INF2: variants seen among roughly 807,000 people sequenced by gnomAD.
INF2 encodes the protein inverted formin-2.
Under a neutral mutation model 123.5 loss-of-function variants are expected in INF2, and 43 were observed. The observed-to-expected ratio is 0.35, with a 90% CI of 0.27 to 0.45. The LOEUF is 0.45. INF2 is among the 20% of genes least tolerant of loss of function. The pLI is 1.00. For missense variants in INF2, 1,453 were observed against 1,682.7 expected (o/e 0.86, Z 2.39); for synonymous variants, 851 against 745.0 (o/e 1.14, Z -2.32).
At chr14:104,712,631 T>C in intron 17 of INF2, 78 bp downstream of exon 17, 9 of 1,600,472 alleles carry the variant, frequency 5.6e-6, no homozygotes, top group Non-Finnish European at 7.7e-6. Context: ...CTGTGCTGTC[T>C]CCTGGCTCCA....
chr14:104,683,226 C>T (rs1236726171), intron 1 of INF2, among the ~76,000 whole-genome samples: 1 of 152,056 alleles, frequency 6.6e-6, no homozygotes, highest in Non-Finnish European at 1.5e-5. Flanking sequence ...CCTGGGGAGG[C>T]AGCACAGACT....
At chr14:104,695,583 C>T (rs1047127448) in intron 1 of INF2, among the ~76,000 whole-genome samples, 43 of 146,348 alleles carry the variant, frequency 2.9e-4, no homozygotes, top group Non-Finnish European at 4.4e-5. Context: ...CTTGCCGACT[C>T]TCCTCCCAGT....
intron 10 of INF2, among the ~76,000 whole-genome samples, chr14:104,708,961 G>A (rs1889912397): frequency 6.6e-6 from 1 of 152,190 alleles, no homozygotes; most frequent in South Asian, 2.1e-4. Context: ...CAGACAAGTA[G>A]TGGCTAAACC....
In INF2 at chr14:104,707,817, C is replaced by T; in HGVS notation, c.1550C>T (p.Pro517Leu). The change falls in exon 8 of 23, where the codon CCC (proline) becomes CTC (leucine). Residue 517 changes from proline (P) to leucine (L), a missense_variant. Physicochemically the swap from Pro to Leu is moderately conservative, Grantham distance 98. Transcript: ENST00000392634. ...LPGMGWGPPPPPPPLLPCTCS... is the reference protein window; with the variant it reads ...LPGMGWGPPPLPPPLLPCTCS... ...GGTATGGGCTGGGGCCCTCCTCCAC[C>T]CCCACCTCCACTACTGCCCTGCACC... 1 of 1,570,254 alleles carries T rather than the reference C, an allele frequency of 6.4e-7. No homozygotes were observed. Among genetic ancestry groups the T allele is most frequent in the Non-Finnish European group, 8.6e-7 (1 of 1,156,552 alleles).
chr14:104,683,678 AG>A (rs1422859300), intron 1 of INF2, among the ~76,000 whole-genome samples: 1 of 149,434 alleles, frequency 6.7e-6, no homozygotes, highest in African/African-American at 2.5e-5. Context: ...AGACCTACAA[AG>A]TCTTGGCACT....
chr14:104,699,417 T>TA lies in INF2; in HGVS notation c.-9-1940_-9-1939insA. On this transcript the variant is annotated intron_variant, in intron 1 of 22. Coordinates refer to ENST00000392634, the MANE Select transcript of INF2 (RefSeq NM_022489.4). This position sits in a 1 kb window ranked among gnomAD's most constrained non-coding sequence, Gnocchi z 4.7. Reference sequence around the variant, plus strand: ...CCGGCTGCCTGGCTCTTCATGGTGGTGGGAGCAACCCTACTGCCACCAGGA... The same window carrying TA: ...CCGGCTGCCTGGCTCTTCATGGTGGTAGGGAGCAACCCTACTGCCACCAGGA... The TA allele has an allele frequency of 2.0e-6, 2 of 985,166 alleles. No homozygotes were observed. Among genetic ancestry groups the TA allele is most frequent in the African/African-American group, 1.7e-5 (1 of 57,260 alleles). The allele number at this position is 985,166 out of a possible 1,614,324, so 61.0% of individuals were successfully genotyped here.
intron 1 of INF2, among the ~76,000 whole-genome samples, chr14:104,695,202 T>C (rs540921711): frequency 6.6e-6 from 1 of 152,092 alleles, no homozygotes; most frequent in African/African-American, 2.4e-5. Flanking sequence ...GATCAGGCCC[T>C]GTGCCCTTCC....
intron 5 of INF2, among the ~76,000 whole-genome samples, chr14:104,705,278 G>A (rs1435359937): frequency 6.6e-6 from 1 of 152,212 alleles, no homozygotes; most frequent in Admixed American, 6.5e-5. Flanking sequence ...TTAGCTGGCC[G>A]TGGTGGCATG....
In INF2 at chr14:104,707,112, C is replaced by CA. The variant is rs1465681981; in HGVS notation, c.985+62dup. 1.3e-5 allele frequency: 20 copies of CA among 1,526,520 alleles called. No homozygotes were observed. In the African/African-American group the frequency reaches 1.5e-4, roughly 11 times the overall value. The allele number at this position is 1,526,520 out of a possible 1,614,324, so 94.6% of individuals were successfully genotyped here. ...GTGGGCAGACACTGAGGTCTTAGAC[C>CA]ATGGGGGGGGGAGCCTGCCCTTGGC... On this transcript the variant is annotated intron_variant, in intron 7 of 22. Coordinates refer to ENST00000392634, the MANE Select transcript of INF2 (RefSeq NM_022489.4).
At position 104,710,345 on chromosome 14, in the gene INF2, T is replaced by C. The variant is rs56322618; in HGVS notation, c.2239+157T>C. ...ACCACCACTCCGGAAACCACCCTGC[T>C]GCCACCACCTCGGTGCACACACCTA... On this transcript the variant is annotated intron_variant, in intron 13 of 22. Transcript: ENST00000392634. 0.23 allele frequency among the ~76,000 whole-genome samples: 27,095 copies of C among 115,924 alleles called. 2,690 individuals are homozygous for C. The highest frequency in any genetic ancestry group is 0.3 in the Non-Finnish European group (15,196 of 50,872). 76.1% of individuals were successfully genotyped at this position (115,924 alleles called of 152,430 possible). A position where few individuals can be genotyped will look rare whatever the true frequency, so the allele number is the denominator to read the frequency against.
chr14:104,718,725 A>C, intron 22 of INF2, 70 bp from the exon 23 acceptor site: 1 of 1,587,360 alleles, frequency 6.3e-7, no homozygotes, highest in Non-Finnish European at 8.6e-7. Context: ...CTGGGCACCC[A>C]GAAGCGGGCA....
chr14:104,694,442 A>C (rs1222198053), intron 1 of INF2, among the ~76,000 whole-genome samples: 1 of 152,194 alleles, frequency 6.6e-6, no homozygotes, highest in Non-Finnish European at 1.5e-5. Flanking sequence ...GGGAAGATTC[A>C]TGCAACGTCC....
intron 1 of INF2, among the ~76,000 whole-genome samples, chr14:104,682,115 G>A (rs968467426): frequency 6.6e-6 from 1 of 152,206 alleles, no homozygotes; most frequent in African/African-American, 2.4e-5. Context: ...AGTGTATGTG[G>A]AGTCAGATAG....
chr14:104,709,468 C>G (rs563942155), intron 11 of INF2, 85 bp downstream of exon 11: 10 of 1,311,450 alleles, frequency 7.6e-6, no homozygotes, highest in South Asian at 2.4e-5. Context: ...AGCAGGGAGA[C>G]AGAGAAGGGA....
chr14:104,685,499 G>A (rs943464796), upstream of INF2, among the ~76,000 whole-genome samples: 1 of 151,888 alleles, frequency 6.6e-6, no homozygotes, highest in African/African-American at 2.4e-5. Context: ...GGTGACTGGG[G>A]GCGGTCGTGT....
chr14:104,688,533 C>G (rs60468249), upstream of INF2, among the ~76,000 whole-genome samples: 14,181 of 152,296 alleles, frequency 0.093, 1,089 homozygotes, highest in East Asian at 0.39. Context: ...AGTGGAGACA[C>G]TTTATCCGCA....
At chr14:104,688,005 G>T (rs1236690866), upstream of INF2, among the ~76,000 whole-genome samples, 1 of 152,242 alleles carries the variant, frequency 6.6e-6, no homozygotes, top group Non-Finnish European at 1.5e-5. Context: ...CCAATGTTCG[G>T]GTCCAGGAGT....
chr14:104,701,551 C>G lies in INF2; in HGVS notation c.186C>G (p.Gly62=). 3 of 1,608,466 alleles carry G rather than the reference C, an allele frequency of 1.9e-6. No homozygotes were observed. The highest frequency in any genetic ancestry group is 1.7e-6 in the Non-Finnish European group (2 of 1,178,760). Residue 62 remains glycine (G), a synonymous_variant, in exon 2 of 23, where the codon GGC becomes GGG. Coordinates refer to ENST00000392634, the MANE Select transcript of INF2 (RefSeq NM_022489.4). The stretch of plus-strand genomic sequence containing the variant: ...GCAAGCGCCTGGAGGGCAGCGACGG[C>G]GGCTGGATGGTGCAGTTCCTGGAGC... ...GLRKRLEGSD[G]GWMVQFLEQS...
At position 104,712,509 on chromosome 14, in the gene INF2, G is replaced by T. The variant is rs1890102379; in HGVS notation, c.2566G>T (p.Ala856Ser). Residue 856 changes from alanine (A) to serine (S), a missense_variant, in exon 17 of 23, where the codon GCC becomes TCC. By Grantham distance (99) the Ala-to-Ser change is moderately conservative. Coordinates refer to ENST00000392634, the MANE Select transcript of INF2 (RefSeq NM_022489.4). Reference protein sequence around the residue: ...KLLETERKVSASVAEVQEQYT... With the variant: ...KLLETERKVSSSVAEVQEQYT... The stretch of plus-strand genomic sequence containing the variant: ...TCTGGAGACCGAGCGGAAGGTGTCT[G>T]CCTCCGTGGCCGAGGTCCAGGAGCA... 1 of 1,612,670 alleles carries T rather than the reference G, an allele frequency of 6.2e-7. No homozygotes were observed. Among genetic ancestry groups the T allele is most frequent in the Non-Finnish European group, 8.5e-7 (1 of 1,179,818 alleles).
Sources: gnomAD v4.1 joint callset for allele counts (sites outside exome capture counted in the v4.1 genomes callset) on GRCh38, gnomAD v4.1.1 for gene constraint, Gnocchi (gnomAD v3.1) non-coding constraint, MANE v1.5 for transcripts, NCBI Gene and HGNC (gene_info 2026-07-23, HGNC 2026-07-21) for gene names.